The following DLGAP1 variants were observed in gnomAD, a reference collection of about 807,000 sequenced individuals.
The protein encoded by DLGAP1 is disks large-associated protein 1.
In DLGAP1, 11 loss-of-function variants were observed where a neutral mutation model predicts 90.8. The ratio of observed to expected loss-of-function variants is 0.12; its 90% CI spans 0.08 to 0.20. DLGAP1 has a LOEUF of 0.20. Among genes scored for constraint, DLGAP1 ranks in the 10% least tolerant of loss-of-function variants. The pLI is 1.00. For synonymous variants in DLGAP1, 558 were observed against 540.7 expected (o/e 1.03, Z -0.44); for missense variants, 1,050 against 1,333.8 (o/e 0.79, Z 3.31).
intron 4 of DLGAP1, among the ~76,000 whole-genome samples, chr18:3,876,104 T>C (rs1161328688): frequency 6.6e-6 from 1 of 151,888 alleles, no homozygotes; most frequent in Non-Finnish European, 1.5e-5. Context: ...AATGAGCCTA[T>C]AGATGAAATT....
chr18:4,080,440 A>G (rs528558333), intron 2 of DLGAP1, among the ~76,000 whole-genome samples: 1 of 152,346 alleles, frequency 6.6e-6, no homozygotes, highest in African/African-American at 2.4e-5. Context: ...GTTCTTTGAC[A>G]TATTTCAAAA....
At chr18:3,828,954 G>A (rs1167418008) in intron 4 of DLGAP1, among the ~76,000 whole-genome samples, 1 of 152,168 alleles carries the variant, frequency 6.6e-6, no homozygotes. Flanking sequence ...ACATGGTAAA[G>A]TCCTCAATAA....
At chr18:4,387,563 A>G (rs1163963689) in intron 1 of DLGAP1, among the ~76,000 whole-genome samples, 1 of 152,190 alleles carries the variant, frequency 6.6e-6, no homozygotes, top group Admixed American at 6.5e-5. Flanking sequence ...ACTATCTCTA[A>G]GTCCAGTGCT....
chr18:3,730,165 A>C (rs2062368897), intron 6 of DLGAP1, among the ~76,000 whole-genome samples: 1 of 152,172 alleles, frequency 6.6e-6, no homozygotes, highest in African/African-American at 2.4e-5. Flanking sequence ...TGGCAGGAGG[A>C]TCACTTCAGC....
intron 2 of DLGAP1, among the ~76,000 whole-genome samples, chr18:4,118,444 T>C (rs113838663): frequency 0.02 from 3,091 of 152,244 alleles, 96 homozygotes; most frequent in African/African-American, 0.061. Context: ...TGAGCTGGGA[T>C]GAAGGTGATC....
rs117640318 is a variant in DLGAP1, at chr18:4,434,479, G to A, written c.-267+20527C>T. On this transcript the variant is annotated intron_variant, in intron 1 of 12. Transcript: ENST00000315677. ...CTCAAATTCTAAAAACAGCCTGCAC[G>A]TTACTCTCTTTCTTCCCCTGTGCTG... 5.3e-3 allele frequency among the ~76,000 whole-genome samples: 806 copies of A among 152,214 alleles called. 5 individuals are homozygous for A. The highest frequency in any genetic ancestry group is 0.021 in the Middle Eastern group (6 of 292).
intron 3 of DLGAP1, among the ~76,000 whole-genome samples, chr18:3,928,719 C>G (rs2072448732): frequency 6.6e-6 from 1 of 152,140 alleles, no homozygotes; most frequent in Non-Finnish European, 1.5e-5. Flanking sequence ...GGAACCTGGG[C>G]TAAACACAGG....
intron 7 of DLGAP1, among the ~76,000 whole-genome samples, chr18:3,634,651 A>G (rs2058634942): frequency 6.6e-6 from 1 of 152,222 alleles, no homozygotes; most frequent in South Asian, 2.1e-4. Context: ...TGTGATTTTA[A>G]TACAAACTGG....
At chr18:4,045,432 C>CAAAAAAAAAAAAAAAAAAAAAAAAAAAAA (rs763466156) in intron 2 of DLGAP1, among the ~76,000 whole-genome samples, 1 of 29,196 alleles carries the variant, frequency 3.4e-5, no homozygotes, top group East Asian at 1.9e-3. Context: ...CCCATCTCTA[C>CAAAAAAAAAAAAAAAAAAAAAAAAAAAAA]AAAAAAAAAA....
intron 3 of DLGAP1, among the ~76,000 whole-genome samples, chr18:3,961,329 T>C (rs2073193460): frequency 1.3e-5 from 2 of 152,204 alleles, no homozygotes; most frequent in South Asian, 4.1e-4. Context: ...CTTTTCCTCC[T>C]CCAATTGCTA....
intron 5 of DLGAP1, among the ~76,000 whole-genome samples, chr18:3,777,336 C>A (rs960936459): frequency 6.6e-5 from 10 of 152,112 alleles, no homozygotes; most frequent in Non-Finnish European, 1.3e-4. Context: ...GCATCCTCCA[C>A]AGGGAGAGGC....
At chr18:3,564,197 C>T (rs1391962740) in intron 9 of DLGAP1, among the ~76,000 whole-genome samples, 1 of 152,140 alleles carries the variant, frequency 6.6e-6, no homozygotes, top group Non-Finnish European at 1.5e-5. Flanking sequence ...TAGTAATGTA[C>T]TGGTAAGGTG....
chr18:3,986,887 G>C (rs2073854763), intron 3 of DLGAP1, among the ~76,000 whole-genome samples: 1 of 152,038 alleles, frequency 6.6e-6, no homozygotes, highest in South Asian at 2.1e-4. Context: ...CCGGATACTG[G>C]ACCCTTCAAT....
chr18:4,344,313 T>A (rs1378144088), intron 1 of DLGAP1, among the ~76,000 whole-genome samples: 2 of 152,174 alleles, frequency 1.3e-5, no homozygotes. Context: ...TTGAGAAAAG[T>A]TAGGTAATTT....
Position 3,742,292 on chromosome 18 carries a change from G to A in DLGAP1, c.1350+43C>T, listed in dbSNP as rs370487273. 49 of 1,596,668 alleles carry A rather than the reference G, an allele frequency of 3.1e-5. No individual in the cohort carries two copies. The African/African-American group carries it at 6.0e-4, about 20-fold the overall frequency. ...CCTCTCAATTCTCACTAACCTTCCT[G>A]CCACTAATGGCTCCTGACCACCGCT... On this transcript the variant is annotated intron_variant, in intron 6 of 12. Transcript: ENST00000315677.
At chr18:3,992,369 A>G (rs2073986920) in intron 3 of DLGAP1, among the ~76,000 whole-genome samples, 1 of 152,120 alleles carries the variant, frequency 6.6e-6, no homozygotes, top group African/African-American at 2.4e-5. Flanking sequence ...TAATTCACAT[A>G]AAAGCCACCT....
At chr18:3,912,773 C>T (rs1016033405) in intron 3 of DLGAP1, among the ~76,000 whole-genome samples, 3 of 151,906 alleles carry the variant, frequency 2.0e-5, no homozygotes, top group African/African-American at 7.3e-5. Context: ...TGAATTTGAC[C>T]AAGTCAAATT....
intron 7 of DLGAP1, among the ~76,000 whole-genome samples, chr18:3,725,132 C>T (rs571732405): frequency 1.3e-5 from 2 of 152,246 alleles, no homozygotes; most frequent in South Asian, 4.1e-4. Context: ...TACTTTGTGT[C>T]CTTTTTGAAG....
intron 3 of DLGAP1, among the ~76,000 whole-genome samples, chr18:3,950,797 G>A (rs1013530158): frequency 3.9e-5 from 6 of 152,142 alleles, no homozygotes; most frequent in South Asian, 2.1e-4. Flanking sequence ...CCTTAGAAGG[G>A]ACTGTTTTTT....
Sources: allele counts gnomAD v4.1 joint callset (sites outside exome capture counted in the v4.1 genomes callset), GRCh38; gene constraint gnomAD v4.1.1; transcripts MANE v1.5; gene names NCBI Gene and HGNC (gene_info 2026-07-23, HGNC 2026-07-21).